The following UBAP2 variants were observed in gnomAD, a reference collection of about 807,000 sequenced individuals.
UBAP2 encodes ubiquitin-associated protein 2.
A neutral mutation model predicts 139.6 loss-of-function variants in UBAP2; 75 were observed. That is an observed-to-expected ratio of 0.54 (90% CI 0.45 to 0.65). UBAP2 has a LOEUF of 0.65. Among genes scored for constraint, UBAP2 ranks in the 30% least tolerant of loss-of-function variants. The pLI is 0.00. For missense variants in UBAP2, 1,368 were observed against 1,369.6 expected (o/e 1.00, Z 0.02); for synonymous variants, 526 against 526.2 (o/e 1.00, Z 0.01).
chr9:34,019,899 T>C (rs567148860), intron 1 of UBAP2, among the ~76,000 whole-genome samples: 83 of 152,074 alleles, frequency 5.5e-4, no homozygotes, highest in African/African-American at 2.0e-3. Context: ...CGGTGGCTCA[T>C]ATCTGTAATC....
rs1416099950 is a variant in UBAP2, at chr9:33,924,007, A to G, written c.2591-7T>C. On this transcript the variant is annotated splice_polypyrimidine_tract_variant and splice_region_variant and intron_variant, in intron 23 of 28. Transcript: ENST00000379238. ...CCAAACTTTGTGACATCACCTAGGA[A>G]AGAGCACTGACTCCAGCCACTGCCC... 6.2e-7 allele frequency: 1 copy of G among 1,613,250 alleles called. No homozygotes were observed. The highest frequency in any genetic ancestry group is 8.5e-7 in the Non-Finnish European group (1 of 1,180,000).
chr9:33,930,422 C>CAT (rs1823866435), intron 19 of UBAP2, among the ~76,000 whole-genome samples: 1 of 151,912 alleles, frequency 6.6e-6, no homozygotes, highest in Admixed American at 6.6e-5. Context: ...GCTTAAATAA[C>CAT]CTTAAATAAC....
chr9:34,045,301 G>T (rs898148650), intron 1 of UBAP2, among the ~76,000 whole-genome samples: 3 of 149,898 alleles, frequency 2.0e-5, no homozygotes, highest in Non-Finnish European at 3.0e-5. Context: ...AGCCGAGATT[G>T]CACCACTGCA....
intron 19 of UBAP2, among the ~76,000 whole-genome samples, chr9:33,932,063 T>G (rs1252520539): frequency 6.6e-6 from 1 of 152,084 alleles, no homozygotes; most frequent in Non-Finnish European, 1.5e-5. Context: ...CACGACCCAC[T>G]GAGCCACACC....
chr9:34,043,064 T>C (rs1413906072), intron 1 of UBAP2, among the ~76,000 whole-genome samples: 1 of 151,946 alleles, frequency 6.6e-6, no homozygotes, highest in Non-Finnish European at 1.5e-5. Flanking sequence ...CAAGACCCTG[T>C]CTCCAAAAAA....
rs150669989 is a variant in UBAP2, at chr9:34,029,783, T to C, written c.-41-12594A>G. Among the ~76,000 whole-genome samples the C allele has an allele frequency of 7.0e-3, 898 of 127,436 alleles. 3 individuals carry two copies. Among genetic ancestry groups the C allele is most frequent in the Middle Eastern group, 0.015 (2 of 132 alleles). 83.6% of individuals were successfully genotyped at this position (127,436 alleles called of 152,430 possible). ...GGCAGGTGGATCATGAGATCAGGAG[T>C]TCGAGATCAGCCTGGCCAACATGGT... is the stretch of plus-strand genomic sequence containing the variant. On this transcript the variant is annotated intron_variant, in intron 1 of 28. Coordinates refer to ENST00000379238, the MANE Select transcript of UBAP2 (RefSeq NM_001370062.2).
intron 6 of UBAP2, among the ~76,000 whole-genome samples, chr9:33,982,538 G>A (rs1820853281): frequency 1.3e-5 from 2 of 151,280 alleles, no homozygotes; most frequent in African/African-American, 4.8e-5. Flanking sequence ...AGTTTAAATG[G>A]ACTATGTTTT....
chr9:34,039,108 G>A (rs1212599349), intron 1 of UBAP2, among the ~76,000 whole-genome samples: 4 of 151,954 alleles, frequency 2.6e-5, no homozygotes, highest in Non-Finnish European at 4.4e-5. Flanking sequence ...GGGAAGTGAG[G>A]AGCGTCTCCG....
intron 2 of UBAP2, among the ~76,000 whole-genome samples, chr9:34,008,463 G>T (rs965058465): frequency 2.6e-5 from 4 of 152,092 alleles, no homozygotes; most frequent in Non-Finnish European, 5.9e-5. Context: ...TCTGTCATCA[G>T]CTGGGTGCAG....
intron 4 of UBAP2, among the ~76,000 whole-genome samples, chr9:33,992,846 T>TA (rs1821840027): frequency 6.6e-6 from 1 of 152,150 alleles, no homozygotes; most frequent in Non-Finnish European, 1.5e-5. Context: ...CTGTTATCGG[T>TA]ATTTTGCTAG....
In UBAP2 at chr9:33,927,915, G is replaced by A. The variant is rs376121196; in HGVS notation, c.2253C>T (p.Ser751=). Reference sequence around the variant, plus strand: ...TGGACAGGCTGGCGCCTGAGGATGCGGAACTTGAGACGGAGGTCGCTGCCG... The same window carrying A: ...TGGACAGGCTGGCGCCTGAGGATGCAGAACTTGAGACGGAGGTCGCTGCCG... ...FSTAATSVSS[S]ASSGASLSSS... is the part of the protein sequence containing the mutation. Residue 751 remains serine, a synonymous_variant, in exon 20 of 29, where the codon TCC becomes TCT. Transcript: ENST00000379238. 3.7e-5 allele frequency: 60 copies of A among 1,614,090 alleles called. No homozygotes were observed. The Middle Eastern group carries it at 8.2e-4, about 22-fold the overall frequency.
At chr9:33,947,981 CAAAAAA>C (rs34296980) in intron 13 of UBAP2, among the ~76,000 whole-genome samples, 2 of 80,634 alleles carry the variant, frequency 2.5e-5, no homozygotes. Flanking sequence ...GACCCCATCT[CAAAAAA>C]AAAAAAAAAA....
At chr9:33,987,717 G>A (rs1306333401) in intron 5 of UBAP2, among the ~76,000 whole-genome samples, 1 of 152,188 alleles carries the variant, frequency 6.6e-6, no homozygotes, top group Non-Finnish European at 1.5e-5. Context: ...TTGTGGACTT[G>A]CTGTGAAGTT....
chr9:33,932,010 C>T (rs1037327800), intron 19 of UBAP2, among the ~76,000 whole-genome samples: 2 of 152,150 alleles, frequency 1.3e-5, no homozygotes, highest in Admixed American at 1.3e-4. Context: ...CAACCCACCA[C>T]AATCTGGCTG....
At chr9:34,011,532 CCT>C (rs1298356701) in intron 2 of UBAP2, 6 of 684,990 alleles carry the variant, frequency 8.8e-6, no homozygotes, top group African/African-American at 7.9e-5. Flanking sequence ...TATAAAATAC[CCT>C]GAGTCAAGAA....
intron 8 of UBAP2, among the ~76,000 whole-genome samples, chr9:33,970,847 G>A (rs1416494717): frequency 6.6e-6 from 1 of 152,204 alleles, no homozygotes; most frequent in Non-Finnish European, 1.5e-5. Context: ...CTGTTGCCCA[G>A]GCTGGAGTGC....
At chr9:33,964,594 G>A (rs931468948) in intron 8 of UBAP2, among the ~76,000 whole-genome samples, 3 of 151,974 alleles carry the variant, frequency 2.0e-5, no homozygotes, top group African/African-American at 7.2e-5. Flanking sequence ...CAGCTACACA[G>A]GAAGGTGATG....
intron 1 of UBAP2, among the ~76,000 whole-genome samples, chr9:34,048,613 A>G (rs1043110559): frequency 1.3e-5 from 2 of 152,088 alleles, no homozygotes; most frequent in Non-Finnish European, 2.9e-5. Flanking sequence ...AGCACAGGGC[A>G]ACGTGAGGGG....
chr9:33,936,947 A>G (rs911861467), intron 16 of UBAP2, among the ~76,000 whole-genome samples: 1 of 148,722 alleles, frequency 6.7e-6, no homozygotes, highest in Non-Finnish European at 1.5e-5. Context: ...AAAAAAAAAA[A>G]AAAAACAGTC....
Sources: allele counts gnomAD v4.1 joint callset (sites outside exome capture counted in the v4.1 genomes callset), GRCh38; gene constraint gnomAD v4.1.1; transcripts MANE v1.5; gene names NCBI Gene and HGNC (gene_info 2026-07-23, HGNC 2026-07-21).